The following GRID2 variants were observed in gnomAD, a reference collection of about 807,000 sequenced individuals.
The protein encoded by GRID2 is glutamate ionotropic receptor delta type subunit 2.
In GRID2, 33 loss-of-function variants were observed where a neutral mutation model predicts 114.8. That is an observed-to-expected ratio of 0.29 (90% CI 0.22 to 0.38). GRID2 has a LOEUF of 0.38. GRID2 is among the 10% of genes least tolerant of loss of function. The pLI, the probability that GRID2 is intolerant of heterozygous loss-of-function variation, is 1.00. For missense variants in GRID2, 1,184 were observed against 1,257.7 expected, an observed-to-expected ratio of 0.94 and a Z score of 0.89; for synonymous variants, 505 against 449.9, an observed-to-expected ratio of 1.12 and a Z score of -1.55.
At chr4:93,001,718 C>A (rs1371911276) in intron 2 of GRID2, among the ~76,000 whole-genome samples, 1 of 151,538 alleles carries the variant, frequency 6.6e-6, no homozygotes, top group African/African-American at 2.4e-5. Flanking sequence ...AGAGAATCTG[C>A]CATTATCAGC....
chr4:93,348,302 T>C (rs1037281320), intron 8 of GRID2, among the ~76,000 whole-genome samples: 1 of 152,214 alleles, frequency 6.6e-6, no homozygotes, highest in Non-Finnish European at 1.5e-5. Flanking sequence ...TGTTTAATTC[T>C]ATTCTATATC....
At chr4:93,401,550 T>C (rs1039498688) in intron 9 of GRID2, among the ~76,000 whole-genome samples, 6 of 152,078 alleles carry the variant, frequency 3.9e-5, no homozygotes, top group Non-Finnish European at 8.8e-5. Context: ...TAAACGTCAC[T>C]GGGCAAGAAG....
intron 13 of GRID2, among the ~76,000 whole-genome samples, chr4:93,516,913 C>T (rs995908852): frequency 5.8e-4 from 88 of 151,986 alleles, no homozygotes; most frequent in African/African-American, 1.9e-3. Flanking sequence ...CAAAGCTCCC[C>T]CTGCCTTATA....
chr4:93,300,887 G>A (rs1227130786), intron 8 of GRID2, among the ~76,000 whole-genome samples: 1 of 152,226 alleles, frequency 6.6e-6, no homozygotes, highest in Non-Finnish European at 1.5e-5. Flanking sequence ...TGCACCGGTG[G>A]TCAGAGAGAA....
intron 2 of GRID2, among the ~76,000 whole-genome samples, chr4:92,642,934 G>A (rs564412626): frequency 6.6e-6 from 1 of 151,628 alleles, no homozygotes; most frequent in South Asian, 2.1e-4. Flanking sequence ...CTTTATTTCT[G>A]TTTCTTATTC....
intron 11 of GRID2, among the ~76,000 whole-genome samples, chr4:93,481,298 A>G (rs1319752509): frequency 6.6e-6 from 1 of 152,082 alleles, no homozygotes; most frequent in Non-Finnish European, 1.5e-5. Flanking sequence ...GGTTGCTTCC[A>G]ATAACAAGAA....
At chr4:92,537,780 TTGCGG>T (rs1240276303) in intron 1 of GRID2, among the ~76,000 whole-genome samples, 1 of 125,878 alleles carries the variant, frequency 7.9e-6, no homozygotes, top group African/African-American at 3.1e-5. Flanking sequence ...TTCCAAAAAC[TTGCGG>T]TGTGTGTGTG....
intron 14 of GRID2, among the ~76,000 whole-genome samples, chr4:93,677,232 G>A (rs899707452): frequency 2.0e-4 from 31 of 152,144 alleles, no homozygotes; most frequent in African/African-American, 5.8e-4. Context: ...GGGGAGGGGC[G>A]CCCGCCATTG....
intron 4 of GRID2, among the ~76,000 whole-genome samples, chr4:93,114,312 A>T (rs954274898): frequency 1.3e-5 from 2 of 152,088 alleles, no homozygotes; most frequent in African/African-American, 2.4e-5. Context: ...CTGATAATCA[A>T]TTTCAACTGA....
intron 1 of GRID2, among the ~76,000 whole-genome samples, chr4:92,408,217 T>A (rs769198019): frequency 1.3e-5 from 2 of 152,060 alleles, no homozygotes; most frequent in African/African-American, 2.4e-5. Flanking sequence ...CCCCCATTGC[T>A]TATTTTTATT....
chr4:92,913,365 C>A (rs966357398), intron 2 of GRID2, among the ~76,000 whole-genome samples: 1 of 150,522 alleles, frequency 6.6e-6, no homozygotes, highest in African/African-American at 2.5e-5. Context: ...ATTCTGGGCA[C>A]TAACTATTAT....
At chr4:92,496,871 A>T (rs1043072033) in intron 1 of GRID2, among the ~76,000 whole-genome samples, 1 of 150,656 alleles carries the variant, frequency 6.6e-6, no homozygotes, top group Non-Finnish European at 1.5e-5. Flanking sequence ...CAGTGAAATT[A>T]AAAAAAAATT....
chr4:93,430,674 G>A (rs1259190839), intron 10 of GRID2, among the ~76,000 whole-genome samples: 1 of 152,244 alleles, frequency 6.6e-6, no homozygotes, highest in African/African-American at 2.4e-5. Context: ...TCTTGCCCTT[G>A]AAGAGATCTT....
chr4:92,552,494 A>T (rs2149174045), intron 1 of GRID2, among the ~76,000 whole-genome samples: 1 of 152,290 alleles, frequency 6.6e-6, no homozygotes, highest in East Asian at 1.9e-4. Flanking sequence ...AATGGTGTGA[A>T]GTAGCTGTAA....
chr4:92,671,349 A>G (rs1187845263), intron 2 of GRID2, among the ~76,000 whole-genome samples: 2 of 152,094 alleles, frequency 1.3e-5, no homozygotes, highest in African/African-American at 4.8e-5. Flanking sequence ...ACAATTCAAC[A>G]TGAGATTTTG....
chr4:93,699,021 T>C (rs1727281202), intron 14 of GRID2, among the ~76,000 whole-genome samples: 1 of 152,054 alleles, frequency 6.6e-6, no homozygotes, highest in Non-Finnish European at 1.5e-5. Flanking sequence ...GTAGGTAAAG[T>C]GCTAAGTAGG....
intron 3 of GRID2, among the ~76,000 whole-genome samples, chr4:93,107,374 C>G (rs117197017): frequency 6.6e-6 from 1 of 152,190 alleles, no homozygotes; most frequent in East Asian, 1.9e-4. Context: ...AGTCACATAT[C>G]TAAGAAGTGA....
intron 2 of GRID2, among the ~76,000 whole-genome samples, chr4:92,646,475 TAAA>T (rs56077205): frequency 2.6e-5 from 4 of 151,908 alleles, no homozygotes; most frequent in Non-Finnish European, 5.9e-5. Flanking sequence ...AAATCTTGAC[TAAA>T]AAAAAAAAAC....
chr4:93,513,052 G>T (rs569966078), intron 12 of GRID2, among the ~76,000 whole-genome samples: 1 of 152,208 alleles, frequency 6.6e-6, no homozygotes, highest in South Asian at 2.1e-4. Flanking sequence ...AAAACCTTCT[G>T]ATCATTATAG....
Sources: allele counts gnomAD v4.1 joint callset (sites outside exome capture counted in the v4.1 genomes callset), GRCh38; gene constraint gnomAD v4.1.1; transcripts MANE v1.5; gene names NCBI Gene and HGNC (gene_info 2026-07-23, HGNC 2026-07-21).